The following ZNF827 variants were observed in gnomAD, a reference collection of about 807,000 sequenced individuals.
ZNF827 encodes zinc finger protein 827.
In ZNF827, 13 loss-of-function variants were observed where a neutral mutation model predicts 102.4. The ratio of observed to expected loss-of-function variants is 0.13; its 90% CI spans 0.08 to 0.20. The LOEUF (loss-of-function observed/expected upper bound fraction) is 0.20. Among genes scored for constraint, ZNF827 ranks in the 10% least tolerant of loss-of-function variants. The pLI is 1.00. For synonymous variants in ZNF827, 523 were observed against 536.2 expected, an observed-to-expected ratio of 0.98 and a Z score of 0.34; for missense variants, 1,103 against 1,344.4, an observed-to-expected ratio of 0.82 and a Z score of 2.81.
Position 145,758,702 on chromosome 4 carries a change from C to T in ZNF827, c.*2914G>A, listed in dbSNP as rs756997692. On this transcript the variant is annotated 3_prime_UTR_variant, in exon 15 of 15. Transcript: ENST00000508784. ...ACATTGACGTGGCGAGGTTGAACAT[C>T]GTTTCAAACCTGGCCAAGAGCAAAG... is the stretch of plus-strand genomic sequence containing the variant. 8 of 152,352 alleles carry T rather than the reference C, an allele frequency of 5.3e-5. No homozygotes were observed. Among genetic ancestry groups the T allele is most frequent in the South Asian group, 2.1e-4 (1 of 4,834 alleles). The allele number at this position is 152,352 out of a possible 1,614,324, so 9.4% of individuals were successfully genotyped here. A position where few individuals can be genotyped will look rare whatever the true frequency, so the allele number is the denominator to read the frequency against.
At chr4:145,907,771 T>G (rs1554010001) in intron 1 of ZNF827, among the ~76,000 whole-genome samples, 1 of 152,072 alleles carries the variant, frequency 6.6e-6, no homozygotes, top group Non-Finnish European at 1.5e-5. Context: ...TGTCTCTGAC[T>G]GTCAGGTTCA....
intron 2 of ZNF827, among the ~76,000 whole-genome samples, chr4:145,900,291 T>A (rs191835142): frequency 6.6e-5 from 10 of 152,358 alleles, no homozygotes; most frequent in African/African-American, 2.4e-4. Context: ...AAGTTTATTA[T>A]TAACTTTGCA....
intron 1 of ZNF827, among the ~76,000 whole-genome samples, chr4:145,931,676 T>C (rs1312772844): frequency 2.0e-5 from 3 of 152,202 alleles, no homozygotes; most frequent in Non-Finnish European, 4.4e-5. Flanking sequence ...GCCTACTCTG[T>C]TTGTTTTTCC....
intron 2 of ZNF827, among the ~76,000 whole-genome samples, chr4:145,894,291 T>C (rs1750816650): frequency 6.6e-6 from 1 of 152,184 alleles, no homozygotes; most frequent in Non-Finnish European, 1.5e-5. Flanking sequence ...GAAAACTTCC[T>C]GGAAGCATAC....
chr4:145,816,093 C>T (rs934368540), intron 8 of ZNF827, among the ~76,000 whole-genome samples: 2 of 152,194 alleles, frequency 1.3e-5, no homozygotes, highest in African/African-American at 4.8e-5. Context: ...TGGTCTCAAA[C>T]TCCTGGGCTC....
chr4:145,875,272 A>G (rs1191494991), intron 4 of ZNF827, among the ~76,000 whole-genome samples: 2 of 152,230 alleles, frequency 1.3e-5, no homozygotes, highest in Non-Finnish European at 2.9e-5. Context: ...TGTTATTACT[A>G]TCTTCATTTT....
At chr4:145,906,055 T>C (rs1751845610) in intron 1 of ZNF827, among the ~76,000 whole-genome samples, 1 of 152,188 alleles carries the variant, frequency 6.6e-6, no homozygotes, top group Admixed American at 6.5e-5. Flanking sequence ...ACATCAAATC[T>C]TGTCATTTTA....
chr4:145,912,056 C>G lies in ZNF827; in HGVS notation c.44-8841G>C, dbSNP rs150080948. Among the ~76,000 whole-genome samples the G allele has an allele frequency of 2.1e-4, 32 of 152,220 alleles. No individual in the cohort carries two copies. In the East Asian group the frequency reaches 6.0e-3, roughly 28 times the overall value. On this transcript the variant is annotated intron_variant, in intron 1 of 14. Coordinates refer to ENST00000508784, the MANE Select transcript of ZNF827 (RefSeq NM_001306215.2). ...CTGAGTGACAAAGCCAAGTTGAAAC[C>G]CAAATATTCAGAACATCTGACAATA... is the stretch of plus-strand genomic sequence containing the variant.
intron 4 of ZNF827, among the ~76,000 whole-genome samples, chr4:145,871,019 A>G (rs967974607): frequency 2.6e-5 from 4 of 152,298 alleles, no homozygotes; most frequent in South Asian, 2.1e-4. Context: ...ATCCATAAAC[A>G]GTGGGGCATT....
rs1169761146 is a variant in ZNF827 at position 145,765,328 on chromosome 4, T to C, written c.3053-163A>G. Among the ~76,000 whole-genome samples the C allele has an allele frequency of 1.3e-5, 2 of 152,156 alleles. No individual in the cohort carries two copies. The highest frequency in any genetic ancestry group is 2.4e-5 in the African/African-American group (1 of 41,434). ...TATCTCTGTGCTAAAAGGAGTTAAA[T>C]GTACAAACATCGGAATCAATGTCAC... On this transcript the variant is annotated intron_variant, in intron 12 of 14. Coordinates refer to ENST00000508784, the MANE Select transcript of ZNF827 (RefSeq NM_001306215.2). The surrounding 1 kb of genome is among the most constrained non-coding windows in gnomAD (Gnocchi z 4.7).
intron 3 of ZNF827, among the ~76,000 whole-genome samples, chr4:145,891,635 T>C (rs747773452): frequency 2.0e-5 from 3 of 152,380 alleles, no homozygotes; most frequent in East Asian, 1.9e-4. Flanking sequence ...CTGGGAATTA[T>C]GATAGCTCAA....
intron 11 of ZNF827, among the ~76,000 whole-genome samples, chr4:145,773,156 G>A (rs1257532599): frequency 6.6e-6 from 1 of 152,108 alleles, no homozygotes; most frequent in Non-Finnish European, 1.5e-5. Flanking sequence ...AAAAGAGTTT[G>A]GCCTTTTCCT....
At chr4:145,831,896 A>G (rs891056422) in intron 7 of ZNF827, 1 of 152,232 alleles carries the variant, frequency 6.6e-6, no homozygotes, top group South Asian at 2.1e-4. Flanking sequence ...ATAATAATAA[A>G]AAATCAATAG....
intron 3 of ZNF827, among the ~76,000 whole-genome samples, chr4:145,889,271 T>C (rs1750393178): frequency 6.6e-6 from 1 of 152,236 alleles, no homozygotes; most frequent in Non-Finnish European, 1.5e-5. Context: ...TATATTGAGA[T>C]GGCTTTCCGA....
chr4:145,876,544 A>G (rs1749169695), intron 4 of ZNF827: 1 of 152,202 alleles, frequency 6.6e-6, no homozygotes, highest in Non-Finnish European at 1.5e-5. Flanking sequence ...AGCACATAAC[A>G]TGAGCTGGGT....
intron 7 of ZNF827, chr4:145,832,882 CG>C (rs1474022579): frequency 1.3e-5 from 2 of 152,404 alleles, no homozygotes; most frequent in East Asian, 1.9e-4. Context: ...TCCTATAAAA[CG>C]GCCCCACCCT....
intron 7 of ZNF827, among the ~76,000 whole-genome samples, chr4:145,824,908 G>A (rs980823129): frequency 3.9e-5 from 6 of 152,156 alleles, no homozygotes; most frequent in African/African-American, 1.4e-4. Context: ...TACATTAATA[G>A]ATAATATAGT....
At chr4:145,815,185 C>T (rs928943897) in intron 8 of ZNF827, among the ~76,000 whole-genome samples, 1 of 152,012 alleles carries the variant, frequency 6.6e-6, no homozygotes, top group Non-Finnish European at 1.5e-5. Context: ...AGTTTGAAGC[C>T]CTTTGGACTG....
At chr4:145,887,262 G>C (rs866871907) in intron 3 of ZNF827, among the ~76,000 whole-genome samples, 3 of 152,008 alleles carry the variant, frequency 2.0e-5, no homozygotes, top group African/African-American at 7.2e-5. Context: ...GTCTCACCAA[G>C]GTTAAAGGCT....
Sources: allele counts gnomAD v4.1 joint callset (sites outside exome capture counted in the v4.1 genomes callset), GRCh38; gene constraint gnomAD v4.1.1; non-coding constraint Gnocchi (gnomAD v3.1); transcripts MANE v1.5; gene names NCBI Gene and HGNC (gene_info 2026-07-23, HGNC 2026-07-21).